The following UNC5D variants were observed in gnomAD, a reference collection of about 807,000 sequenced individuals.
UNC5D encodes unc-5 netrin receptor D.
Under a neutral mutation model 105.4 loss-of-function variants are expected in UNC5D, and 39 were observed. The observed-to-expected ratio is 0.37, with a 90% CI of 0.29 to 0.48. The LOEUF (loss-of-function observed/expected upper bound fraction) is 0.48. Among genes scored for constraint, UNC5D ranks in the 20% least tolerant of loss-of-function variants. The probability of loss-of-function intolerance (pLI) is 0.98; values close to 1 mark genes in which losing one functional copy is unlikely to be tolerated. For missense variants in UNC5D, 991 were observed against 1,202.4 expected (o/e 0.82, Z 2.60); for synonymous variants, 452 against 450.4 (o/e 1.00, Z -0.04).
chr8:35,331,208 C>A lies in UNC5D; in HGVS notation c.103+95321C>A, dbSNP rs758085925. ...GATTATTCGAAACAGTTTAAAAGAA[C>A]AGGAGAGTTATATTGGGGGGCCATT... On this transcript the variant is annotated intron_variant, in intron 1 of 16. Transcript: ENST00000404895. Among the ~76,000 whole-genome samples, 6 of 152,210 alleles carry A rather than the reference C, an allele frequency of 3.9e-5. No homozygotes were observed. The East Asian group carries it at 9.7e-4, about 25-fold the overall frequency.
intron 3 of UNC5D, among the ~76,000 whole-genome samples, chr8:35,594,833 A>G (rs1171255128): frequency 1.3e-5 from 2 of 152,164 alleles, no homozygotes; most frequent in Non-Finnish European, 2.9e-5. Flanking sequence ...CTCTGTGACC[A>G]CTGGCAAGCG....
chr8:35,502,964 A>C (rs1312985151), intron 1 of UNC5D, among the ~76,000 whole-genome samples: 5 of 152,196 alleles, frequency 3.3e-5, no homozygotes, highest in Admixed American at 3.3e-4. Context: ...CTTGCTACTC[A>C]AAGTGTGGTC....
chr8:35,305,579 T>TCTTTCTTTCTCTTTCTC (rs879467025), intron 1 of UNC5D, among the ~76,000 whole-genome samples: 1 of 89,002 alleles, frequency 1.1e-5, no homozygotes, highest in Non-Finnish European at 2.6e-5. Context: ...TTCTTTCTTT[T>TCTTTCTTTCTCTTTCTC]TCTTTCTTTC....
chr8:35,780,554 T>C (rs1802457885), intron 16 of UNC5D, among the ~76,000 whole-genome samples: 2 of 152,182 alleles, frequency 1.3e-5, no homozygotes, highest in African/African-American at 2.4e-5. Flanking sequence ...TAGAGCCATG[T>C]TCCTTTAAAG....
intron 13 of UNC5D, among the ~76,000 whole-genome samples, chr8:35,755,461 C>T (rs142762651): frequency 1.3e-3 from 188 of 144,892 alleles, no homozygotes; most frequent in African/African-American, 5.1e-3. Flanking sequence ...AGCACCATAG[C>T]GACATAATTT....
intron 2 of UNC5D, among the ~76,000 whole-genome samples, chr8:35,564,878 T>C (rs984994631): frequency 3.3e-5 from 5 of 152,184 alleles, no homozygotes; most frequent in African/African-American, 1.2e-4. Context: ...CTACTTCATT[T>C]AGGAAAATGG....
chr8:35,465,074 T>C (rs1809198861), intron 1 of UNC5D, among the ~76,000 whole-genome samples: 1 of 152,220 alleles, frequency 6.6e-6, no homozygotes, highest in African/African-American at 2.4e-5. Context: ...CTGCCAGGAT[T>C]ATATTCTTTA....
At chr8:35,299,702 A>G (rs1289230269) in intron 1 of UNC5D, among the ~76,000 whole-genome samples, 2 of 152,206 alleles carry the variant, frequency 1.3e-5, no homozygotes, top group Admixed American at 1.3e-4. Flanking sequence ...TGAAAAGACA[A>G]GTGGATAAGA....
intron 11 of UNC5D, among the ~76,000 whole-genome samples, chr8:35,735,284 A>G (rs1829409158): frequency 7.2e-6 from 1 of 138,206 alleles, no homozygotes; most frequent in Non-Finnish European, 1.5e-5. Context: ...GGACCAGAAA[A>G]TTATTATATG....
intron 1 of UNC5D, among the ~76,000 whole-genome samples, chr8:35,401,594 CAT>C (rs1804469037): frequency 6.6e-6 from 1 of 152,120 alleles, no homozygotes; most frequent in African/African-American, 2.4e-5. Flanking sequence ...TTCATAATAT[CAT>C]ATGTTTCAAA....
chr8:35,350,882 G>C (rs550660414), intron 1 of UNC5D, among the ~76,000 whole-genome samples: 1 of 151,984 alleles, frequency 6.6e-6, no homozygotes, highest in Non-Finnish European at 1.5e-5. Flanking sequence ...TGCCGTTTTT[G>C]TTGTTTTCAG....
chr8:35,746,920 G>T (rs55702691), intron 11 of UNC5D, among the ~76,000 whole-genome samples: 11,377 of 152,062 alleles, frequency 0.075, 1,147 homozygotes, highest in African/African-American at 0.23. Flanking sequence ...GAATTTTATG[G>T]TTTTTTTCCC....
At chr8:35,277,010 G>T (rs10088968) in intron 1 of UNC5D, among the ~76,000 whole-genome samples, 3 of 152,160 alleles carry the variant, frequency 2.0e-5, no homozygotes, top group Non-Finnish European at 4.4e-5. Context: ...ATTAAAAGAA[G>T]TTAATCACTA....
chr8:35,619,061 G>A (rs1269986543), intron 4 of UNC5D, among the ~76,000 whole-genome samples: 3 of 152,020 alleles, frequency 2.0e-5, no homozygotes, highest in Non-Finnish European at 2.9e-5. Context: ...TCTTTGCCTC[G>A]GAGGATACAG....
At chr8:35,262,500 A>T (rs1322113742) in intron 1 of UNC5D, among the ~76,000 whole-genome samples, 1 of 152,200 alleles carries the variant, frequency 6.6e-6, no homozygotes, top group Middle Eastern at 3.2e-3. Flanking sequence ...AAACAAACAA[A>T]CAAGCCTTTC....
chr8:35,599,715 C>A (rs577358369), intron 4 of UNC5D, among the ~76,000 whole-genome samples: 2 of 152,092 alleles, frequency 1.3e-5, no homozygotes, highest in Non-Finnish European at 2.9e-5. Flanking sequence ...AGAAAACATT[C>A]CTACCTGCTT....
intron 4 of UNC5D, among the ~76,000 whole-genome samples, chr8:35,678,497 TTAAC>T (rs1398869465): frequency 2.6e-5 from 4 of 152,184 alleles, no homozygotes; most frequent in African/African-American, 7.2e-5. Flanking sequence ...TTTGCCATAA[TTAAC>T]TATCAGAAAA....
intron 13 of UNC5D, among the ~76,000 whole-genome samples, chr8:35,751,110 A>G (rs1830261773): frequency 6.6e-6 from 1 of 152,138 alleles, no homozygotes; most frequent in Non-Finnish European, 1.5e-5. Flanking sequence ...TTTGGTGGGT[A>G]GGGGCTAGTG....
chr8:35,753,184 T>C (rs1052445374), intron 13 of UNC5D, among the ~76,000 whole-genome samples: 1 of 152,194 alleles, frequency 6.6e-6, no homozygotes, highest in Non-Finnish European at 1.5e-5. Flanking sequence ...TTCTGGTTGG[T>C]AATAGAATCT....
Sources: gnomAD v4.1 joint callset for allele counts (sites outside exome capture counted in the v4.1 genomes callset) on GRCh38, gnomAD v4.1.1 for gene constraint, MANE v1.5 for transcripts, NCBI Gene and HGNC (gene_info 2026-07-23, HGNC 2026-07-21) for gene names.